The following ACYP2 variants were observed in gnomAD, a reference collection of about 807,000 sequenced individuals.
ACYP2 encodes acylphosphatase 2.
ACYP2 carries 12 observed loss-of-function variants against 11.2 expected under a neutral mutation model. The ratio of observed to expected loss-of-function variants is 1.08; its 90% CI spans 0.69 to 1.74. The LOEUF is 1.74. ACYP2 is among the 40% of genes most tolerant of loss of function. ACYP2 has a pLI of 0.00. For missense variants in ACYP2, 134 were observed against 101.9 expected, an observed-to-expected ratio of 1.31 and a Z score of -1.35; for synonymous variants, 43 against 32.2, an observed-to-expected ratio of 1.33 and a Z score of -1.13.
chr2:54,014,155 C>G (rs957961462), intron 2 of ACYP2, among the ~76,000 whole-genome samples: 2 of 151,508 alleles, frequency 1.3e-5, no homozygotes, highest in African/African-American at 4.9e-5. Context: ...CAAAAAAACT[C>G]CGTCTGAAAA....
At chr2:54,203,325 T>C (rs375899687) in intron 6 of ACYP2, among the ~76,000 whole-genome samples, 1 of 152,362 alleles carries the variant, frequency 6.6e-6, no homozygotes, top group East Asian at 1.9e-4. Context: ...GCACCCTGCA[T>C]ACTTGTTGAA....
chr2:54,115,464 G>A, intron 4 of ACYP2, 151 bp from the exon 1 acceptor site: 1 of 1,122,008 alleles, frequency 8.9e-7, no homozygotes, highest in South Asian at 1.7e-5. Flanking sequence ...AGAGGCCTAG[G>A]ATGCCTGGGG....
intron 6 of ACYP2, chr2:54,142,638 G>C (rs1422180849): frequency 1.3e-5 from 2 of 152,172 alleles, no homozygotes; most frequent in African/African-American, 4.8e-5. Flanking sequence ...CAAGAGAATC[G>C]CTTGAGTCTG....
At chr2:54,119,885 T>A (rs1680045352) in intron 4 of ACYP2, among the ~76,000 whole-genome samples, 1 of 152,234 alleles carries the variant, frequency 6.6e-6, no homozygotes, top group African/African-American at 2.4e-5. Context: ...TGACATTCTG[T>A]TAGACTTACC....
intron 4 of ACYP2, 88 bp from the exon 2 acceptor site, chr2:54,135,365 G>A: frequency 8.2e-7 from 1 of 1,221,040 alleles, no homozygotes; most frequent in Non-Finnish European, 1.2e-6. Flanking sequence ...GATAAATGGG[G>A]ACCACCTAGA....
intron 6 of ACYP2, among the ~76,000 whole-genome samples, chr2:54,201,616 CTTTCTTTGTT>C (rs1684789607): frequency 2.3e-5 from 2 of 88,142 alleles, no homozygotes; most frequent in South Asian, 9.7e-4. Flanking sequence ...TTCTTTCTTT[CTTTCTTTGTT>C]TCTTTCTTTC....
chr2:54,293,134 G>A (rs897342028), intron 6 of ACYP2, among the ~76,000 whole-genome samples: 1 of 152,120 alleles, frequency 6.6e-6, no homozygotes, highest in Admixed American at 6.6e-5. Flanking sequence ...TTACAGATGA[G>A]GCACTGAGAG....
intron 6 of ACYP2, among the ~76,000 whole-genome samples, chr2:54,174,881 A>T (rs546745386): frequency 3.3e-5 from 5 of 152,182 alleles, no homozygotes; most frequent in Non-Finnish European, 7.3e-5. Context: ...GATGAAGCCT[A>T]CTTGATCGTG....
At chr2:54,221,520 C>CTTTTT (rs548466074) in intron 6 of ACYP2, among the ~76,000 whole-genome samples, 2,021 of 127,230 alleles carry the variant, frequency 0.016, 71 homozygotes, top group African/African-American at 0.048. Context: ...GAATAAAATT[C>CTTTTT]TTTTTTTTTT....
rs1030348319 is a variant in ACYP2 at position 54,287,679 on chromosome 2, C to T, written c.405-17009C>T. Among the ~76,000 whole-genome samples the T allele has an allele frequency of 2.4e-4, 37 of 151,918 alleles. 1 individual carries two copies. Among genetic ancestry groups the T allele is most frequent in the Admixed American group, 2.6e-4 (4 of 15,268 alleles). ...GAAGTCATGTAGGGATAGAGGGAGACGACTGAGGAGCCAGAGCTGTTGCAG... is the reference window on the plus strand; with the variant it reads ...GAAGTCATGTAGGGATAGAGGGAGATGACTGAGGAGCCAGAGCTGTTGCAG... On this transcript the variant is annotated intron_variant, in intron 6 of 6. Transcript: ENST00000607452.
intron 6 of ACYP2, chr2:54,253,897 G>A (rs1336514002): frequency 6.6e-6 from 1 of 152,134 alleles, no homozygotes; most frequent in Admixed American, 6.5e-5. Context: ...AGAGAGCCAA[G>A]AAACTAAAAA....
At chr2:54,135,541 G>A in intron 5 of ACYP2, 72 bp downstream of exon 2, 1 of 1,357,266 alleles carries the variant, frequency 7.4e-7, no homozygotes, top group Non-Finnish European at 1.0e-6. Flanking sequence ...AGATAGGGCA[G>A]TTTTCTACTT....
intron 6 of ACYP2, among the ~76,000 whole-genome samples, chr2:54,174,941 T>C (rs1683376325): frequency 6.6e-6 from 1 of 152,332 alleles, no homozygotes; most frequent in South Asian, 2.1e-4. Context: ...CAGTATTTTA[T>C]TGAGGATTTT....
intron 2 of ACYP2, among the ~76,000 whole-genome samples, chr2:53,985,262 G>A (rs745432123): frequency 2.0e-5 from 3 of 151,692 alleles, no homozygotes; most frequent in Non-Finnish European, 2.9e-5. Flanking sequence ...ATAGAGACAG[G>A]GTTTCACATT....
intron 2 of ACYP2, among the ~76,000 whole-genome samples, chr2:54,008,511 A>G (rs745820712): frequency 1.3e-5 from 2 of 152,178 alleles, no homozygotes; most frequent in Non-Finnish European, 2.9e-5. Flanking sequence ...AAATTTACCA[A>G]TCAAGTGAAT....
At chr2:54,072,454 C>A (rs1380375875) in intron 4 of ACYP2, among the ~76,000 whole-genome samples, 1 of 146,120 alleles carries the variant, frequency 6.8e-6, no homozygotes, top group South Asian at 2.3e-4. Context: ...TTTTGAAATT[C>A]TTTCTTTCTT....
In ACYP2 at chr2:54,074,560, A is replaced by C. The variant is rs181842195; in HGVS notation, c.277+17200A>C. Among the ~76,000 whole-genome samples the C allele has an allele frequency of 9.3e-5, 14 of 150,712 alleles. No homozygotes were observed. In the East Asian group the frequency reaches 2.5e-3, roughly 27 times the overall value. On this transcript the variant is annotated intron_variant, in intron 4 of 6. Transcript: ENST00000607452. ...GTGAATTTTATGGTATGTTAATTAT[A>C]TATAAATAGAACAGAATTTGTGTGT...
chr2:54,142,515 G>C (rs1428394863), intron 6 of ACYP2: 1 of 152,168 alleles, frequency 6.6e-6, no homozygotes, highest in Non-Finnish European at 1.5e-5. Context: ...TTGAGGTCAG[G>C]AGTTCAAGAC....
At chr2:54,287,508 A>C (rs1689128132) in intron 6 of ACYP2, among the ~76,000 whole-genome samples, 1 of 152,008 alleles carries the variant, frequency 6.6e-6, no homozygotes, top group Non-Finnish European at 1.5e-5. Flanking sequence ...AACTCATAGA[A>C]TGTGTTAGAG....
Sources: gnomAD v4.1 joint callset for allele counts (sites outside exome capture counted in the v4.1 genomes callset) on GRCh38, gnomAD v4.1.1 for gene constraint, MANE v1.5 for transcripts, NCBI Gene and HGNC (gene_info 2026-07-23, HGNC 2026-07-21) for gene names.